ZNF487: variants seen among roughly 807,000 people sequenced by gnomAD.
The protein encoded by ZNF487 is KRAB domain only 1.
ZNF487 carries 4 observed loss-of-function variants against 3.0 expected under a neutral mutation model. The ratio of observed to expected loss-of-function variants is 1.35; its 90% confidence interval spans 0.66 to 3.08. The LOEUF is 3.08. ZNF487 is among the 30% of genes most tolerant of loss of function. ZNF487 has a pLI of 0.01. For synonymous variants in ZNF487, 55 were observed against 34.6 expected (o/e 1.59, Z -2.06); for missense variants, 146 against 98.7 (o/e 1.48, Z -2.03).
chr10:43,516,995 C>A, the ZNF487 span, among the ~76,000 whole-genome samples: 2 of 152,234 alleles, frequency 1.3e-5, no homozygotes, highest in African/African-American at 2.4e-5. Context: ...ACCGTAGCAG[C>A]CTTGTCATCA....
chr10:43,490,543 CT>C, the ZNF487 span, among the ~76,000 whole-genome samples: 1 of 48,148 alleles, frequency 2.1e-5, no homozygotes, highest in South Asian at 7.6e-4. Flanking sequence ...GAGTTTTGCT[CT>C]TGTTGCACGG....
intron 1 of ZNF487, among the ~76,000 whole-genome samples, chr10:43,463,853 T>C (rs990203594): frequency 2.6e-5 from 4 of 152,074 alleles, no homozygotes; most frequent in Non-Finnish European, 4.4e-5. Context: ...TTGTAATTGT[T>C]TTGACCGTAT....
At position 43,482,254 on chromosome 10, in the gene ZNF487, T is replaced by A. The variant is rs527345791; in HGVS notation, c.*332T>A. On this transcript the variant is annotated 3_prime_UTR_variant, in exon 4 of 4. Transcript: ENST00000437590. ...TAGGAAAGAATGCCTATAAAATTAA[T>A]CAGTATGCTAGTACATTTTGCTGTA... 1 of 401,006 alleles carries A rather than the reference T, an allele frequency of 2.5e-6. No homozygotes were observed. Among genetic ancestry groups the A allele is most frequent in the South Asian group, 2.2e-5 (1 of 45,158 alleles). The allele number at this position is 401,006 out of a possible 1,614,324, so 24.8% of individuals were successfully genotyped here. A position where few individuals can be genotyped will look rare whatever the true frequency, so the allele number is the denominator to read the frequency against.
At chr10:43,460,353 TGAAA>T (rs1016582263) in intron 1 of ZNF487, among the ~76,000 whole-genome samples, 10 of 151,612 alleles carry the variant, frequency 6.6e-5, no homozygotes, top group African/African-American at 1.9e-4. Flanking sequence ...TCTTTGTTCC[TGAAA>T]GAGTCTGTTG....
chr10:43,472,114 C>G (rs1175558949), intron 1 of ZNF487, among the ~76,000 whole-genome samples: 1 of 152,196 alleles, frequency 6.6e-6, no homozygotes, highest in Non-Finnish European at 1.5e-5. Flanking sequence ...GCTGAGGCCT[C>G]TCCCTTGGCA....
the ZNF487 span, among the ~76,000 whole-genome samples, chr10:43,516,070 G>A: frequency 3.3e-5 from 5 of 152,094 alleles, no homozygotes; most frequent in African/African-American, 4.8e-5. Flanking sequence ...ATAAGCCACC[G>A]TGCCCAGCCT....
chr10:43,450,738 T>G (rs1331597249), intron 1 of ZNF487, among the ~76,000 whole-genome samples: 1 of 152,094 alleles, frequency 6.6e-6, no homozygotes, highest in Non-Finnish European at 1.5e-5. Flanking sequence ...ATAGATCAAG[T>G]ATTTCTGATG....
rs1421570892 is a variant in ZNF487 at position 43,475,798 on chromosome 10, C to G, written c.-16C>G. ...AGCATCTGGACTCTGCTCAGAGGAC[C>G]CCGTACAGAGACATGATGCTGGAGA... is the stretch of plus-strand genomic sequence containing the variant. On this transcript the variant is annotated 5_prime_UTR_variant, in exon 2 of 4. Coordinates refer to ENST00000437590, the MANE Select transcript of ZNF487 (RefSeq NM_001355444.3). 2 of 780,500 alleles carry G rather than the reference C, an allele frequency of 2.6e-6. No individual in the cohort carries two copies. The highest frequency in any genetic ancestry group is 4.8e-6 in the Non-Finnish European group (2 of 417,994). 48.3% of individuals were successfully genotyped at this position (780,500 alleles called of 1,614,324 possible). A position where few individuals can be genotyped will look rare whatever the true frequency, so the allele number is the denominator to read the frequency against.
chr10:43,497,648 A>G, the ZNF487 span, among the ~76,000 whole-genome samples: 5 of 152,154 alleles, frequency 3.3e-5, no homozygotes, highest in Non-Finnish European at 7.3e-5. Flanking sequence ...GTTTTGGAGT[A>G]CAAGAAAAAG....
chr10:43,451,705 A>G (rs1389540638), intron 1 of ZNF487, among the ~76,000 whole-genome samples: 1 of 151,152 alleles, frequency 6.6e-6, no homozygotes, highest in Non-Finnish European at 1.5e-5. Flanking sequence ...AGCTGGGATT[A>G]CAGGCATGGG....
chr10:43,515,193 T>A, the ZNF487 span, among the ~76,000 whole-genome samples: 15 of 152,208 alleles, frequency 9.9e-5, no homozygotes, highest in Non-Finnish European at 1.6e-4. Flanking sequence ...GATTTATTTA[T>A]ATGAATTAGA....
At chr10:43,445,825 G>GCCTTCC (rs1554795189) in intron 1 of ZNF487, among the ~76,000 whole-genome samples, 1 of 152,086 alleles carries the variant, frequency 6.6e-6, no homozygotes, top group Non-Finnish European at 1.5e-5. Context: ...AGGACCCTGC[G>GCCTTCC]GCCTTCCGCA....
chr10:43,504,929 C>T, the ZNF487 span, among the ~76,000 whole-genome samples: 1 of 151,726 alleles, frequency 6.6e-6, no homozygotes, highest in East Asian at 2.0e-4. Flanking sequence ...TGGTCTCAAA[C>T]TCCCGAGCTC....
chr10:43,484,066 G>A (rs537328580), downstream of ZNF487, among the ~76,000 whole-genome samples: 6 of 150,904 alleles, frequency 4.0e-5, no homozygotes, highest in Non-Finnish European at 8.9e-5. Flanking sequence ...ACAGGGTTTC[G>A]CCATGTTGGC....
chr10:43,521,974 A>C, the ZNF487 span, among the ~76,000 whole-genome samples: 1 of 152,140 alleles, frequency 6.6e-6, no homozygotes, highest in South Asian at 2.1e-4. Flanking sequence ...TAAATAGGGA[A>C]ATTTTATGAT....
chr10:43,474,381 G>A (rs1035292236), intron 1 of ZNF487, among the ~76,000 whole-genome samples: 8 of 151,842 alleles, frequency 5.3e-5, no homozygotes, highest in Non-Finnish European at 1.0e-4. Context: ...TTGAACCTGG[G>A]AGGTGGAGGT....
chr10:43,451,575 T>A (rs1589027355), intron 1 of ZNF487, among the ~76,000 whole-genome samples: 1 of 148,322 alleles, frequency 6.7e-6, no homozygotes, highest in East Asian at 2.0e-4. Flanking sequence ...TATTATTATT[T>A]TTCTTTTGAG....
intron 1 of ZNF487, among the ~76,000 whole-genome samples, chr10:43,437,581 A>G (rs1839433526): frequency 6.6e-6 from 1 of 152,084 alleles, no homozygotes; most frequent in South Asian, 2.1e-4. Flanking sequence ...TTGCAAGGAT[A>G]CCTTCATGAT....
At chr10:43,467,329 C>T (rs184883940) in intron 1 of ZNF487, among the ~76,000 whole-genome samples, 10 of 151,912 alleles carry the variant, frequency 6.6e-5, no homozygotes, top group East Asian at 4.0e-4. Context: ...CTCAGCCTCC[C>T]GACTAGCTGG....
Sources: allele counts gnomAD v4.1 joint callset (sites outside exome capture counted in the v4.1 genomes callset), GRCh38; gene constraint gnomAD v4.1.1; transcripts MANE v1.5; gene names NCBI Gene and HGNC (gene_info 2026-07-23, HGNC 2026-07-21).